CCSER1: variants seen among roughly 807,000 people sequenced by gnomAD.
CCSER1 encodes the protein serine-rich coiled-coil domain-containing protein 1.
CCSER1 carries 41 observed loss-of-function variants against 82.0 expected under a neutral mutation model. That is an observed-to-expected ratio of 0.50 (90% CI 0.39 to 0.65). The LOEUF (loss-of-function observed/expected upper bound fraction) is 0.65, where lower values mean the gene tolerates loss of function less well. Ranked by LOEUF, CCSER1 falls within the 30% of genes least tolerant of loss-of-function variation. CCSER1 has a pLI of 0.00. For synonymous variants in CCSER1, 414 were observed against 383.9 expected (o/e 1.08, Z -0.92); for missense variants, 1,119 against 1,064.2 (o/e 1.05, Z -0.72).
At chr4:90,392,391 T>C (rs912545590) in intron 3 of CCSER1, among the ~76,000 whole-genome samples, 2 of 151,972 alleles carry the variant, frequency 1.3e-5, no homozygotes, top group Non-Finnish European at 2.9e-5. Context: ...AACAGCAAAG[T>C]ATTATAGCAT....
chr4:91,508,773 CT>C (rs931622771), intron 10 of CCSER1, among the ~76,000 whole-genome samples: 1 of 151,682 alleles, frequency 6.6e-6, no homozygotes, highest in African/African-American at 2.4e-5. Context: ...AGTTTCTTCA[CT>C]TTTTTAGGTC....
At chr4:90,459,728 A>G (rs1293736601) in intron 4 of CCSER1, among the ~76,000 whole-genome samples, 1 of 152,186 alleles carries the variant, frequency 6.6e-6, no homozygotes, top group East Asian at 1.9e-4. Context: ...TTAATTTTCT[A>G]TTTATTAAAA....
intron 10 of CCSER1, among the ~76,000 whole-genome samples, chr4:91,528,253 A>G (rs1222451877): frequency 2.0e-5 from 3 of 152,148 alleles, no homozygotes; most frequent in African/African-American, 7.2e-5. Context: ...ATTTTCATAT[A>G]ATGTATTTGC....
At chr4:90,316,474 T>C (rs1736185669) in intron 3 of CCSER1, among the ~76,000 whole-genome samples, 1 of 152,200 alleles carries the variant, frequency 6.6e-6, no homozygotes, top group African/African-American at 2.4e-5. Context: ...AATTTAGTGC[T>C]TAATCTGAAC....
intron 5 of CCSER1, among the ~76,000 whole-genome samples, chr4:90,574,293 G>A (rs139610304): frequency 0.02 from 2,231 of 112,216 alleles, 24 homozygotes; most frequent in Admixed American, 0.027. Context: ...ACGGAGTCTC[G>A]CTCTGTCGCA....
At chr4:91,148,542 T>G (rs968266003) in intron 10 of CCSER1, among the ~76,000 whole-genome samples, 2 of 152,260 alleles carry the variant, frequency 1.3e-5, no homozygotes, top group Middle Eastern at 3.4e-3. Context: ...CGTGCAGGTT[T>G]GTTACATATG....
chr4:90,264,166 T>G (rs1180226443), intron 1 of CCSER1, among the ~76,000 whole-genome samples: 1 of 152,234 alleles, frequency 6.6e-6, no homozygotes, highest in Non-Finnish European at 1.5e-5. Flanking sequence ...TCTTTATTGC[T>G]ATTCTTGTCA....
intron 6 of CCSER1, among the ~76,000 whole-genome samples, chr4:90,681,855 A>G (rs1177334661): frequency 2.0e-5 from 3 of 152,096 alleles, no homozygotes; most frequent in Non-Finnish European, 4.4e-5. Context: ...GAAAAATGGT[A>G]AATTTTTACA....
At chr4:91,004,922 GC>G (rs1738369544) in intron 9 of CCSER1, among the ~76,000 whole-genome samples, 2 of 152,232 alleles carry the variant, frequency 1.3e-5, no homozygotes, top group South Asian at 2.1e-4. Context: ...TTCAGGTCTT[GC>G]CTCTAAGACC....
intron 1 of CCSER1, among the ~76,000 whole-genome samples, chr4:90,143,265 A>G (rs1725145116): frequency 6.6e-6 from 1 of 151,932 alleles, no homozygotes; most frequent in Non-Finnish European, 1.5e-5. Flanking sequence ...TTTCTTCTCA[A>G]GCTTCATCTC....
intron 4 of CCSER1, among the ~76,000 whole-genome samples, chr4:90,403,493 C>T (rs1395173398): frequency 1.9e-4 from 22 of 113,200 alleles, no homozygotes; most frequent in South Asian, 2.8e-4. Flanking sequence ...AGCGAGACTC[C>T]GTCTCAAAAA....
rs1199222772 is a variant in CCSER1, at chr4:90,308,653, A to G, written c.369A>G (p.Arg123=). ...ATTCTGTTGGTTTTAGTAGTTCACG[A>G]AATAAGAAGATAACAAGATCTTTGA... ...GRHSVGFSSS[R]NKKITRSLTE... is the part of the protein sequence containing the mutation. Residue 123 remains arginine (R), a synonymous_variant, in exon 2 of 11, where the codon CGA becomes CGG. Transcript: ENST00000509176. 6.2e-7 allele frequency: 1 copy of G among 1,613,754 alleles called. No individual in the cohort carries two copies. The highest frequency in any genetic ancestry group is 1.7e-5 in the Admixed American group (1 of 59,916).
chr4:90,173,037 G>A lies in CCSER1; in HGVS notation c.-42+45206G>A, dbSNP rs183914355. ...GACCCTATTTGGCAGGGAAAGTGGCGATTTCAGTTTTTTCATGCTGAACTT... is the reference window on the plus strand; with the variant it reads ...GACCCTATTTGGCAGGGAAAGTGGCAATTTCAGTTTTTTCATGCTGAACTT... On this transcript the variant is annotated intron_variant, in intron 1 of 10. Transcript: ENST00000509176. Among the ~76,000 whole-genome samples the A allele has an allele frequency of 1.8e-3, 270 of 151,846 alleles. 1 individual carries two copies. The highest frequency in any genetic ancestry group is 3.2e-3 in the Non-Finnish European group (215 of 67,824).
At chr4:90,686,139 C>T (rs1203431667) in intron 6 of CCSER1, among the ~76,000 whole-genome samples, 1 of 152,054 alleles carries the variant, frequency 6.6e-6, no homozygotes, top group African/African-American at 2.4e-5. Flanking sequence ...GGACTGGTAA[C>T]CTAGGCAGAG....
At chr4:91,388,889 TTGGTGAGGTACG>T (rs1751475660) in intron 10 of CCSER1, among the ~76,000 whole-genome samples, 1 of 152,088 alleles carries the variant, frequency 6.6e-6, no homozygotes, top group Non-Finnish European at 1.5e-5. Flanking sequence ...TGTATCTTTT[TTGGTGAGGTACG>T]TGTTCAGGTC....
intron 9 of CCSER1, among the ~76,000 whole-genome samples, chr4:91,052,798 A>G (rs1743119657): frequency 6.6e-6 from 1 of 152,180 alleles, no homozygotes; most frequent in South Asian, 2.1e-4. Flanking sequence ...TACTCTAAAC[A>G]GTATTTAAAA....
Position 90,320,644 on chromosome 4 carries a change from C to T in CCSER1, c.1509+7597C>T, listed in dbSNP as rs994957445. Among the ~76,000 whole-genome samples the T allele has an allele frequency of 2.0e-5, 3 of 152,182 alleles. No individual in the cohort carries two copies. In the East Asian group the frequency reaches 5.8e-4, roughly 29 times the overall value. On this transcript the variant is annotated intron_variant, in intron 3 of 10. Coordinates refer to ENST00000509176, the MANE Select transcript of CCSER1 (RefSeq NM_001145065.2). ...AAGCGAAGATTTTTAAAATCCGCTG[C>T]TATTTTATCTAGTCCAGCTCACTTC...
chr4:90,820,835 CG>C (rs1439455872), intron 8 of CCSER1, among the ~76,000 whole-genome samples: 1 of 151,606 alleles, frequency 6.6e-6, no homozygotes, highest in African/African-American at 2.4e-5. Flanking sequence ...ATGTGAAAAA[CG>C]TATATTGTAT....
intron 1 of CCSER1, among the ~76,000 whole-genome samples, chr4:90,275,416 G>T (rs1578893571): frequency 6.6e-6 from 1 of 152,224 alleles, no homozygotes; most frequent in East Asian, 1.9e-4. Context: ...GCATACTGAA[G>T]AGGTTAATTT....
Sources: gnomAD v4.1 joint callset for allele counts (sites outside exome capture counted in the v4.1 genomes callset) on GRCh38, gnomAD v4.1.1 for gene constraint, MANE v1.5 for transcripts, NCBI Gene and HGNC (gene_info 2026-07-23, HGNC 2026-07-21) for gene names.